RCOR2: variants seen among roughly 807,000 people sequenced by gnomAD.
RCOR2 encodes the protein REST corepressor 2.
In RCOR2, 19 loss-of-function variants were observed where a neutral mutation model predicts 58.9. The ratio of observed to expected loss-of-function variants is 0.32; its 90% CI spans 0.23 to 0.47. The LOEUF is 0.47. RCOR2 is among the 20% of genes least tolerant of loss of function. The probability of loss-of-function intolerance (pLI) is 1.00; values close to 1 mark genes in which losing one functional copy is unlikely to be tolerated. For synonymous variants in RCOR2, 286 were observed against 278.7 expected (o/e 1.03, Z -0.26); for missense variants, 590 against 707.9 (o/e 0.83, Z 1.89).
the RCOR2 span, among the ~76,000 whole-genome samples, chr11:63,927,251 C>T: frequency 6.6e-6 from 1 of 151,756 alleles, no homozygotes; most frequent in Admixed American, 6.6e-5. Flanking sequence ...AATGGAACCA[C>T]CTACTGGCTT....
chr11:63,920,588 T>G (rs1288904480), upstream of RCOR2, among the ~76,000 whole-genome samples: 2 of 151,018 alleles, frequency 1.3e-5, no homozygotes, highest in Non-Finnish European at 3.0e-5. Flanking sequence ...GGAGGGAGTG[T>G]GGTGGGATCC....
intron 2 of RCOR2, 133 bp from the exon 3 acceptor site, chr11:63,915,391 C>T: frequency 9.0e-7 from 1 of 1,106,590 alleles, no homozygotes; most frequent in Non-Finnish European, 1.3e-6. Context: ...GGGCAGAGAC[C>T]CAGACAGGAA....
chr11:63,913,746 T>C (rs995743416), intron 8 of RCOR2, among the ~76,000 whole-genome samples: 3 of 152,182 alleles, frequency 2.0e-5, no homozygotes, highest in African/African-American at 7.2e-5. Flanking sequence ...TCCCCCGGAA[T>C]GCCTGGATTA....
rs1271743284 is a variant in RCOR2, at chr11:63,911,909, T to G, written c.1528A>C (p.Thr510Pro). 54 of 409,972 alleles carry G rather than the reference T, an allele frequency of 1.3e-4. No individual in the cohort carries two copies. Among genetic ancestry groups the G allele is most frequent in the African/African-American group, 5.6e-4 (9 of 16,198 alleles). 25.4% of individuals were successfully genotyped at this position (409,972 alleles called of 1,614,324 possible). ...SARPGPQPPP[T>P]LIGTPLEPPA... ...GGCTCCAGAGGGGTTCCAATCAGGGTGGGTGGGGGCTGAGGGCCAGGGCGG... is the reference window on the plus strand; with the variant it reads ...GGCTCCAGAGGGGTTCCAATCAGGGGGGGTGGGGGCTGAGGGCCAGGGCGG... The change falls in exon 12 of 12, where the codon ACC becomes CCC. Residue 510 changes from threonine (T) to proline (P), a missense_variant. Thr to Pro is a conservative substitution (Grantham distance 38). Around this residue, in one of 3 missense-constraint regions of RCOR2, gnomAD observed 196 missense variants for 210.7 expected, o/e 0.93. Transcript: ENST00000301459.
upstream of RCOR2, among the ~76,000 whole-genome samples, chr11:63,920,902 C>A (rs77631946): frequency 0.067 from 10,122 of 152,174 alleles, 454 homozygotes; most frequent in Non-Finnish European, 0.1. Context: ...CCACCTCACC[C>A]CCCACCCAGG....
Position 63,916,183 on chromosome 11 carries a change from T to C in RCOR2, c.127+147A>G, listed in dbSNP as rs796977642. On this transcript the variant is annotated intron_variant, in intron 1 of 11. Transcript: ENST00000301459. ...GATTGGCTGTGCCGGCAGCCTGGGT[T>C]TGTGGGAGAAGCAACGCAGAGGCTC... 3 of 793,490 alleles carry C rather than the reference T, an allele frequency of 3.8e-6. No individual in the cohort carries two copies. The East Asian group carries it at 8.3e-5, about 22-fold the overall frequency. The allele number at this position is 793,490 out of a possible 1,614,324, so 49.2% of individuals were successfully genotyped here.
the RCOR2 span, among the ~76,000 whole-genome samples, chr11:63,924,773 T>A: frequency 6.6e-6 from 1 of 152,046 alleles, no homozygotes; most frequent in Non-Finnish European, 1.5e-5. Flanking sequence ...GGTCTTGGAC[T>A]CCTGGACTGA....
Position 63,914,893 on chromosome 11 carries a change from A to G in RCOR2, c.318+9T>C, listed in dbSNP as rs1190023006. 1.9e-6 allele frequency: 3 copies of G among 1,613,454 alleles called. No individual in the cohort carries two copies. The stretch of plus-strand genomic sequence containing the variant: ...CCCCATTCCCAAGTCCCTGGGGGCC[A>G]AGGCTCACCTGCTCAATGTTGTAGC... On this transcript the variant is annotated intron_variant, in intron 4 of 11. Coordinates refer to ENST00000301459, the MANE Select transcript of RCOR2 (RefSeq NM_173587.4).
At chr11:63,921,668 C>A (rs1005824061), upstream of RCOR2, among the ~76,000 whole-genome samples, 1 of 152,160 alleles carries the variant, frequency 6.6e-6, no homozygotes, top group African/African-American at 2.4e-5. Flanking sequence ...AAGGACATCT[C>A]ACATGGAATG....
chr11:63,912,241 C>T, intron 11 of RCOR2, 62 bp from the exon 12 acceptor site: 1 of 1,598,538 alleles, frequency 6.3e-7, no homozygotes, highest in Non-Finnish European at 8.6e-7. Context: ...GTCTAAGGAC[C>T]AAGGCGGCGC....
Position 63,914,435 on chromosome 11 carries a change from C to A in RCOR2, c.587G>T (p.Arg196Leu). The change falls in exon 6 of 12, where the codon CGC becomes CTC. Residue 196 changes from arginine (R) to leucine (L), a missense_variant. By Grantham distance (102) the Arg-to-Leu change is moderately radical. This residue lies in a region of RCOR2 where 390 missense variants were observed against 478.7 expected (regional missense o/e 0.81). Coordinates refer to ENST00000301459, the MANE Select transcript of RCOR2 (RefSeq NM_173587.4). ...CCCCCACCTGTCTTCTTTGTCCTTGCGGCCCCCCAGCCGCCGGGCCTGTCT... is the reference window on the plus strand; with the variant it reads ...CCCCCACCTGTCTTCTTTGTCCTTGAGGCCCCCCAGCCGCCGGGCCTGTCT... ...MDRQARRLGG[R>L]KDKEDSDELE... is the part of the protein sequence containing the mutation. 1 of 1,613,460 alleles carries A rather than the reference C, an allele frequency of 6.2e-7. No individual in the cohort carries two copies. Among genetic ancestry groups the A allele is most frequent in the Non-Finnish European group, 8.5e-7 (1 of 1,180,014 alleles).
At chr11:63,914,992 G>C in intron 3 of RCOR2, 38 bp from the exon 4 acceptor site, 1 of 1,611,994 alleles carries the variant, frequency 6.2e-7, no homozygotes. Flanking sequence ...GGTGAAGGGG[G>C]TTATAGCTCC....
chr11:63,914,207 C>T (rs374811641), intron 7 of RCOR2, 38 bp from the exon 8 acceptor site: 1 of 1,612,910 alleles, frequency 6.2e-7, no homozygotes, highest in African/African-American at 1.3e-5. Flanking sequence ...TGGTGCAGAG[C>T]CAGAGAGAGG....
At chr11:63,923,757 T>A in the RCOR2 span, among the ~76,000 whole-genome samples, 1 of 152,158 alleles carries the variant, frequency 6.6e-6, no homozygotes, top group Non-Finnish European at 1.5e-5. Context: ...CCCAGACCCC[T>A]GACCCCAGGC....
At chr11:63,916,278 A>T (rs1941855593) in intron 1 of RCOR2, 52 bp downstream of exon 1, 3 of 1,471,658 alleles carry the variant, frequency 2.0e-6, no homozygotes, top group Non-Finnish European at 2.8e-6. Context: ...CTCCCGCCCC[A>T]CTCCGCTCCC....
At chr11:63,918,327 G>C (rs1410438637), upstream of RCOR2, among the ~76,000 whole-genome samples, 1 of 152,190 alleles carries the variant, frequency 6.6e-6, no homozygotes, top group Non-Finnish European at 1.5e-5. Context: ...CCGAGTGGCC[G>C]GGGTGTTGCG....
At position 63,916,567 on chromosome 11, in the gene RCOR2, G is replaced by A. The variant is rs762196382; in HGVS notation, c.-111C>T. ...CCGGCCTGGAGAGGTCGCCACTGAG[G>A]TTAGGAGAGGCAGGAGGTCAGCGTG... On this transcript the variant is annotated 5_prime_UTR_variant, in exon 1 of 12. Transcript: ENST00000301459. 1.7e-5 allele frequency: 25 copies of A among 1,443,312 alleles called. No individual in the cohort carries two copies. Among genetic ancestry groups the A allele is most frequent in the Middle Eastern group, 2.5e-4 (1 of 4,026 alleles). 89.4% of individuals were successfully genotyped at this position (1,443,312 alleles called of 1,614,324 possible).
Position 63,911,968 on chromosome 11 carries a change from A to C in RCOR2, c.1469T>G (p.Ile490Ser). ...LAPNQPPPPL[I>S]RPALAAPRHS... ...GCGGGGGGCAGCCAGAGCGGGGCGGATGAGAGGCGGTGGGGGCTGGTTGGG... is the reference window on the plus strand; with the variant it reads ...GCGGGGGGCAGCCAGAGCGGGGCGGCTGAGAGGCGGTGGGGGCTGGTTGGG... Residue 490 changes from isoleucine (I) to serine (S), a missense_variant, in exon 12 of 12, where the codon ATC (isoleucine) becomes AGC (serine). Physicochemically the swap from Ile to Ser is moderately radical, Grantham distance 142. Around this residue, in one of 3 missense-constraint regions of RCOR2, gnomAD observed 196 missense variants for 210.7 expected, o/e 0.93. Coordinates refer to ENST00000301459, the MANE Select transcript of RCOR2 (RefSeq NM_173587.4). 9.0e-7 allele frequency: 1 copy of C among 1,105,678 alleles called. No individual in the cohort carries two copies. Among genetic ancestry groups the C allele is most frequent in the Non-Finnish European group, 1.2e-6 (1 of 833,312 alleles). The allele number at this position is 1,105,678 out of a possible 1,614,324, so 68.5% of individuals were successfully genotyped here. A position where few individuals can be genotyped will look rare whatever the true frequency, so the allele number is the denominator to read the frequency against.
At chr11:63,917,295 C>T (rs929305269), upstream of RCOR2, among the ~76,000 whole-genome samples, 1 of 152,034 alleles carries the variant, frequency 6.6e-6, no homozygotes, top group East Asian at 1.9e-4. Flanking sequence ...GGGGCCGGGG[C>T]CAGACCTCCA....
Sources: gnomAD v4.1 joint callset for allele counts (sites outside exome capture counted in the v4.1 genomes callset) on GRCh38, gnomAD v4.1.1 for gene constraint, gnomAD v4.1.1 regional missense constraint, MANE v1.5 for transcripts, NCBI Gene and HGNC (gene_info 2026-07-23, HGNC 2026-07-21) for gene names.